Variants in NMT1 observed in about 807,000 individuals in gnomAD.
NMT1 encodes the protein N-myristoyltransferase 1, also known as glycylpeptide N-tetradecanoyltransferase 1.
In NMT1, 12 loss-of-function variants were observed where a neutral mutation model predicts 63.4. The ratio of observed to expected loss-of-function variants is 0.19; its 90% CI spans 0.12 to 0.31. The LOEUF is 0.31. NMT1 is among the 10% of genes least tolerant of loss of function. The pLI is 1.00. For missense variants in NMT1, 432 were observed against 634.6 expected (o/e 0.68, Z 3.43); for synonymous variants, 228 against 234.3 (o/e 0.97, Z 0.25).
At chr17:45,061,589 C>G in intron 1 of NMT1, 129 bp downstream of exon 1, 1 of 793,130 alleles carries the variant, frequency 1.3e-6, no homozygotes, top group Non-Finnish European at 2.0e-6. Context: ...CACTAGGATT[C>G]TGCCTGGCGA....
chr17:45,084,723 C>T (rs755698441), intron 2 of NMT1, among the ~76,000 whole-genome samples: 28 of 151,898 alleles, frequency 1.8e-4, no homozygotes, highest in Admixed American at 3.3e-4. Context: ...CCGCCTCAGC[C>T]TCCCAAAGTG....
Position 45,061,354 on chromosome 17 carries a change from G to A in NMT1, c.25G>A (p.Val9Met). 6.2e-7 allele frequency: 1 copy of A among 1,614,002 alleles called. No individual in the cohort carries two copies. Among genetic ancestry groups the A allele is most frequent in the Non-Finnish European group, 8.5e-7 (1 of 1,179,978 alleles). The change falls in exon 1 of 12, where the codon GTG becomes ATG. Residue 9 changes from valine (V) to methionine (M), a missense_variant. Physicochemically the swap from Val to Met is conservative, Grantham distance 21 (BLOSUM62 1). Transcript: ENST00000258960. Reference sequence around the variant, plus strand: ...GATGGCGGACGAGAGTGAGACAGCAGTGAAGCCGCCGGCACCTCCGCTGCC... The same window carrying A: ...GATGGCGGACGAGAGTGAGACAGCAATGAAGCCGCCGGCACCTCCGCTGCC... MADESETA[V>M]KPPAPPLPQM...
Position 45,105,094 on chromosome 17 carries a change from G to T in NMT1, c.1470+98G>T. The T allele has an allele frequency of 6.7e-7, 1 of 1,502,134 alleles. No individual in the cohort carries two copies. Among genetic ancestry groups the T allele is most frequent in the Non-Finnish European group, 9.1e-7 (1 of 1,097,804 alleles). The allele number at this position is 1,502,134 out of a possible 1,614,324, so 93.1% of individuals were successfully genotyped here. On this transcript the variant is annotated intron_variant, in intron 11 of 11. Transcript: ENST00000258960. This position sits in a 1 kb window ranked among gnomAD's most constrained non-coding sequence, Gnocchi z 4.2. ...GGGTTGAGGAGACAGCCGCAGTCTGGGTCCTTGTTACCTCGAGTTGAACCT... is the reference window on the plus strand; with the variant it reads ...GGGTTGAGGAGACAGCCGCAGTCTGTGTCCTTGTTACCTCGAGTTGAACCT...
Position 45,103,831 on chromosome 17 carries a change from C to T in NMT1, c.1287C>T (p.Thr429=). ...AYSFYNVHTQ[T]PLLDLMSDAL... The stretch of plus-strand genomic sequence containing the variant: ...CTTTCTACAACGTTCACACCCAGAC[C>T]CCTCTTCTAGACCTCATGAGCGACG... The change falls in exon 10 of 12, where the codon ACC becomes ACT. Residue 429 remains threonine, a synonymous_variant. Transcript: ENST00000258960. The surrounding 1 kb of genome is among the most constrained non-coding windows in gnomAD (Gnocchi z 4.8). The T allele has an allele frequency of 6.2e-7, 1 of 1,614,152 alleles. No homozygotes were observed. Among genetic ancestry groups the T allele is most frequent in the Non-Finnish European group, 8.5e-7 (1 of 1,180,038 alleles).
At chr17:45,070,186 A>G (rs56334615) in intron 1 of NMT1, among the ~76,000 whole-genome samples, 24,839 of 152,096 alleles carry the variant, frequency 0.16, 2,366 homozygotes, top group Non-Finnish European at 0.22. Context: ...GGTGGCAGCA[A>G]AAGTGGTCTT....
Position 45,104,909 on chromosome 17 carries a change from C to T in NMT1, c.1383C>T (p.Phe461=), listed in dbSNP as rs556448466. The part of the protein sequence containing the change: ...NALDLMENKT[F]LEKLKFGIGD... The stretch of plus-strand genomic sequence containing the variant: ...TGGATCTCATGGAGAACAAAACCTT[C>T]CTGGAGAAGCTCAAGTTTGGCATAG... Residue 461 remains phenylalanine (F), a synonymous_variant, in exon 11 of 12, where the codon TTC becomes TTT. Transcript: ENST00000258960. The surrounding 1 kb of genome is among the most constrained non-coding windows in gnomAD (Gnocchi z 4.2). 4 of 1,614,168 alleles carry T rather than the reference C, an allele frequency of 2.5e-6. 1 individual carries two copies. In the South Asian group the frequency reaches 4.4e-5, roughly 18 times the overall value.
In NMT1 at chr17:45,107,276, G is replaced by C. The variant is rs757632957; in HGVS notation, c.*1637G>C. ...CAGAAGACATCGTATGCTTGGGATG[G>C]GGGCCGTGCCACCCGTGGGAATGCT... On this transcript the variant is annotated 3_prime_UTR_variant, in exon 12 of 12. Coordinates refer to ENST00000258960, the MANE Select transcript of NMT1 (RefSeq NM_021079.5). 6.6e-6 allele frequency: 1 copy of C among 152,456 alleles called. No individual in the cohort carries two copies. The highest frequency in any genetic ancestry group is 1.5e-5 in the Non-Finnish European group (1 of 68,048). 9.4% of individuals were successfully genotyped at this position (152,456 alleles called of 1,614,324 possible).
rs1459697651 is a variant in NMT1 at position 45,107,131 on chromosome 17, G to T, written c.*1492G>T. ...TACAGGAATGAAGCCTTAGCCAGGA[G>T]GCCAGGCTCAGCCCTGTGCCACTCA... is the stretch of plus-strand genomic sequence containing the variant. On this transcript the variant is annotated 3_prime_UTR_variant, in exon 12 of 12. Transcript: ENST00000258960. The T allele has an allele frequency of 6.6e-6, 1 of 152,266 alleles. No homozygotes were observed. The highest frequency in any genetic ancestry group is 1.5e-5 in the Non-Finnish European group (1 of 68,058). 9.4% of individuals were successfully genotyped at this position (152,266 alleles called of 1,614,324 possible). A position where few individuals can be genotyped will look rare whatever the true frequency, so the allele number is the denominator to read the frequency against.
At position 45,098,569 on chromosome 17, in the gene NMT1, G is replaced by C. The variant is rs368198371; in HGVS notation, c.884+17G>C. The C allele has an allele frequency of 2.3e-5, 37 of 1,611,608 alleles. No individual in the cohort carries two copies. Among genetic ancestry groups the C allele is most frequent in the Middle Eastern group, 1.8e-4 (1 of 5,490 alleles). On this transcript the variant is annotated intron_variant, in intron 7 of 11. Transcript: ENST00000258960. ...CACCTGCAGGTAAAACTGTCTTCCT[G>C]TAAGGCCCCAAAAATGCGGGTGTCT...
At chr17:45,099,333 G>T in intron 7 of NMT1, 72 bp from the exon 8 acceptor site, 1 of 1,043,286 alleles carries the variant, frequency 9.6e-7, no homozygotes, top group Non-Finnish European at 1.5e-6. Context: ...GGCCAGCTGG[G>T]GTCTCCCTGC....
At position 45,103,929 on chromosome 17, in the gene NMT1, G is replaced by A. The variant is rs1224722277; in HGVS notation, c.1332+53G>A. On this transcript the variant is annotated intron_variant, in intron 10 of 11. Coordinates refer to ENST00000258960, the MANE Select transcript of NMT1 (RefSeq NM_021079.5). This position sits in a 1 kb window ranked among gnomAD's most constrained non-coding sequence, Gnocchi z 4.8. ...AGATGTGCAGGGAAGAGGCAGTGGA[G>A]CCATGGTGAGCACAGCTCCCGGGAC... The A allele has an allele frequency of 1.9e-6, 3 of 1,606,714 alleles. No homozygotes were observed. The East Asian group carries it at 6.7e-5, about 36-fold the overall frequency.
At chr17:45,090,364 G>A (rs774088351) in intron 3 of NMT1, among the ~76,000 whole-genome samples, 82 of 152,012 alleles carry the variant, frequency 5.4e-4, no homozygotes, top group Non-Finnish European at 1.1e-3. Flanking sequence ...TGTAAGAGCC[G>A]CAGATGAACT....
In NMT1 at chr17:45,105,482, G is replaced by A. The variant is rs1406779756; in HGVS notation, c.1471-137G>A. The A allele has an allele frequency of 1.3e-5, 12 of 899,604 alleles. No individual in the cohort carries two copies. Among genetic ancestry groups the A allele is most frequent in the Non-Finnish European group, 1.8e-5 (10 of 555,544 alleles). 55.7% of individuals were successfully genotyped at this position (899,604 alleles called of 1,614,324 possible). A position where few individuals can be genotyped will look rare whatever the true frequency, so the allele number is the denominator to read the frequency against. ...TGGTGTGGAGGTTGAGTGTGGGGCC[G>A]GCTGGGTGTGAGTCTGCTCCCACAG... On this transcript the variant is annotated intron_variant, in intron 11 of 11. Transcript: ENST00000258960. The surrounding 1 kb of genome is among the most constrained non-coding windows in gnomAD (Gnocchi z 4.2).
rs190384378 is a variant in NMT1 at position 45,086,185 on chromosome 17, G to A, written c.241-323G>A. Among the ~76,000 whole-genome samples, 471 of 143,486 alleles carry A rather than the reference G, an allele frequency of 3.3e-3. 3 individuals carry two copies. The Middle Eastern group carries it at 0.033, about 10-fold the overall frequency. The allele number at this position is 143,486 out of a possible 152,430, so 94.1% of individuals were successfully genotyped here. ...GTCGCCCAGGCTGGAGTGCAATGGC[G>A]CCATCTCGGTTCACTGCATCCTCTG... On this transcript the variant is annotated intron_variant, in intron 2 of 11. Coordinates refer to ENST00000258960, the MANE Select transcript of NMT1 (RefSeq NM_021079.5).
chr17:45,100,112 AG>A (rs2054151961), intron 8 of NMT1, among the ~76,000 whole-genome samples: 1 of 151,992 alleles, frequency 6.6e-6, no homozygotes, highest in Non-Finnish European at 1.5e-5. Flanking sequence ...GTTTTGAGAC[AG>A]GGTCTCATTC....
chr17:45,066,964 G>A (rs1310699012), intron 1 of NMT1, among the ~76,000 whole-genome samples: 1 of 152,074 alleles, frequency 6.6e-6, no homozygotes, highest in African/African-American at 2.4e-5. Flanking sequence ...AAGTGATGCT[G>A]CCACCTTGGC....
intron 1 of NMT1, among the ~76,000 whole-genome samples, chr17:45,073,624 A>C (rs1392843466): frequency 1.3e-5 from 2 of 152,162 alleles, no homozygotes; most frequent in African/African-American, 4.8e-5. Context: ...TGCTCCTCTC[A>C]AACACCAAAG....
At chr17:45,093,604 G>A in intron 3 of NMT1, 81 bp from the exon 4 acceptor site, 1 of 1,099,636 alleles carries the variant, frequency 9.1e-7, no homozygotes, top group Non-Finnish European at 1.3e-6. Context: ...GGAGGAATTT[G>A]CTCTGGTTGA....
At chr17:45,066,294 A>G (rs77288888) in intron 1 of NMT1, among the ~76,000 whole-genome samples, 14,882 of 151,886 alleles carry the variant, frequency 0.098, 794 homozygotes, top group East Asian at 0.16. Context: ...AGCTCAGGCA[A>G]TCCACCTGCC....
Sources: gnomAD v4.1 joint callset for allele counts (sites outside exome capture counted in the v4.1 genomes callset) on GRCh38, gnomAD v4.1.1 for gene constraint, Gnocchi (gnomAD v3.1) non-coding constraint, MANE v1.5 for transcripts, NCBI Gene and HGNC (gene_info 2026-07-23, HGNC 2026-07-21) for gene names.